Variants in TBC1D8 observed in about 807,000 individuals in gnomAD.
TBC1D8 encodes TBC1 domain family member 8.
A neutral mutation model predicts 118.8 loss-of-function variants in TBC1D8; 65 were observed. The observed-to-expected ratio is 0.55, with a 90% CI of 0.45 to 0.67. TBC1D8 has a LOEUF of 0.67. Among genes scored for constraint, TBC1D8 ranks in the 30% least tolerant of loss-of-function variants. TBC1D8 has a pLI of 0.00. For missense variants in TBC1D8, 1,376 were observed against 1,471.2 expected (o/e 0.94, Z 1.06); for synonymous variants, 566 against 595.8 (o/e 0.95, Z 0.73).
At chr2:101,064,303 A>G (rs1004578799) in intron 2 of TBC1D8, among the ~76,000 whole-genome samples, 13 of 152,154 alleles carry the variant, frequency 8.5e-5, no homozygotes, top group African/African-American at 3.1e-4. Context: ...GCTGTCTGCA[A>G]TCCAAGGAGA....
intron 6 of TBC1D8, 93 bp downstream of exon 6, chr2:101,040,084 GA>G: frequency 7.0e-7 from 1 of 1,432,238 alleles, no homozygotes; most frequent in Non-Finnish European, 9.6e-7. Context: ...TGTGCCGTCT[GA>G]ACTTCCCCTC....
At chr2:101,133,783 C>A (rs1345433391) in intron 1 of TBC1D8, among the ~76,000 whole-genome samples, 1 of 152,126 alleles carries the variant, frequency 6.6e-6, no homozygotes, top group Non-Finnish European at 1.5e-5. Flanking sequence ...TGAGACTGGG[C>A]AATTAATAAA....
rs889703920 is a variant in TBC1D8, at chr2:101,038,463, T to G, written c.1273A>C (p.Met425Leu). The G allele has an allele frequency of 6.2e-7, 1 of 1,613,288 alleles. No homozygotes were observed. The highest frequency in any genetic ancestry group is 1.3e-5 in the African/African-American group (1 of 74,900). Reference sequence around the variant, plus strand: ...ATCAGGGTCTGGAGGGACCATACCATGTCATCATCCGCAGAGGTGTCGTAG... The same window carrying G: ...ATCAGGGTCTGGAGGGACCATACCAGGTCATCATCCGCAGAGGTGTCGTAG... ...VHYDTSADDD[M>L]ASLVFHSTSM... The change falls in exon 7 of 20, where the codon ATG becomes CTG. Residue 425 changes from methionine to leucine, a missense_variant and splice_region_variant. Coordinates refer to ENST00000409318, the MANE Select transcript of TBC1D8 (RefSeq NM_001330348.2).
At chr2:101,150,716 G>C (rs1251016098) in intron 1 of TBC1D8, among the ~76,000 whole-genome samples, 1 of 152,164 alleles carries the variant, frequency 6.6e-6, no homozygotes, top group Non-Finnish European at 1.5e-5. Flanking sequence ...AGCCTCCGGC[G>C]CCTCCAGATG....
chr2:101,111,651 GC>G (rs1176164050), intron 1 of TBC1D8, among the ~76,000 whole-genome samples: 1 of 152,212 alleles, frequency 6.6e-6, no homozygotes, highest in African/African-American at 2.4e-5. Context: ...GTGGCTGCTA[GC>G]CTCAGGTGTC....
chr2:101,099,034 G>A (rs13425579), intron 1 of TBC1D8, among the ~76,000 whole-genome samples: 2,579 of 145,666 alleles, frequency 0.018, 76 homozygotes, highest in African/African-American at 0.06. Context: ...GGAGGAGATA[G>A]AGACACGAAA....
At chr2:101,099,785 GA>G (rs1263355071) in intron 1 of TBC1D8, among the ~76,000 whole-genome samples, 1 of 152,172 alleles carries the variant, frequency 6.6e-6, no homozygotes, top group Non-Finnish European at 1.5e-5. Context: ...AATGGATGCA[GA>G]AAAGGCCTTT....
intron 1 of TBC1D8, among the ~76,000 whole-genome samples, chr2:101,133,314 G>A (rs1218441667): frequency 6.6e-6 from 1 of 151,974 alleles, no homozygotes; most frequent in East Asian, 1.9e-4. Flanking sequence ...AATGCTTCTG[G>A]GATCATGATC....
intron 4 of TBC1D8, among the ~76,000 whole-genome samples, chr2:101,050,979 T>A (rs1407196214): frequency 6.6e-6 from 1 of 152,342 alleles, no homozygotes; most frequent in East Asian, 1.9e-4. Context: ...TTCTCATCAT[T>A]TAGCTCCCAC....
At chr2:101,127,009 T>G (rs1039258868) in intron 1 of TBC1D8, among the ~76,000 whole-genome samples, 11 of 152,170 alleles carry the variant, frequency 7.2e-5, no homozygotes, top group Admixed American at 3.9e-4. Context: ...GTATTGGAAT[T>G]CTGGGCTAGA....
intron 1 of TBC1D8, among the ~76,000 whole-genome samples, chr2:101,129,742 A>G (rs1387409396): frequency 6.6e-6 from 1 of 151,788 alleles, no homozygotes; most frequent in Non-Finnish European, 1.5e-5. Flanking sequence ...CATCTCTACT[A>G]AAAATACAAA....
At chr2:101,118,435 GC>G (rs1677931139) in intron 1 of TBC1D8, among the ~76,000 whole-genome samples, 2 of 152,156 alleles carry the variant, frequency 1.3e-5, no homozygotes, top group South Asian at 2.1e-4. Context: ...AGTGGCTCAT[GC>G]CTGTAATCCC....
chr2:101,143,389 A>T (rs573866950), intron 1 of TBC1D8, among the ~76,000 whole-genome samples: 1 of 152,280 alleles, frequency 6.6e-6, no homozygotes, highest in South Asian at 2.1e-4. Context: ...AGTAAAAAGC[A>T]GGAAGCAGGA....
chr2:101,109,196 G>A (rs1677420898), intron 1 of TBC1D8, among the ~76,000 whole-genome samples: 1 of 152,078 alleles, frequency 6.6e-6, no homozygotes, highest in Non-Finnish European at 1.5e-5. Flanking sequence ...CATTCAGGGT[G>A]GAACCACCCA....
intron 1 of TBC1D8, among the ~76,000 whole-genome samples, chr2:101,105,132 G>GA (rs1248939275): frequency 6.6e-6 from 1 of 151,948 alleles, no homozygotes; most frequent in Non-Finnish European, 1.5e-5. Flanking sequence ...GATCCATGGG[G>GA]AAAAAATTGA....
At chr2:101,141,206 CATTATT>C (rs1383875549) in intron 1 of TBC1D8, among the ~76,000 whole-genome samples, 1 of 152,088 alleles carries the variant, frequency 6.6e-6, no homozygotes, top group Non-Finnish European at 1.5e-5. Context: ...TCAATATTTA[CATTATT>C]ATAACTACAA....
Position 101,008,034 on chromosome 2 carries a change from G to T in TBC1D8, c.3255C>A (p.Ser1085=), listed in dbSNP as rs758321296. ...FADTGKTPQD[S]QAFPEAAERD... ...TTTCTGCCGCCTCTGGAAATGCCTG[G>T]GAGTCCTGGGGCGTCTTCCCAGTGT... The change falls in exon 20 of 20, where the codon TCC becomes TCA. Residue 1085 remains serine (S), a synonymous_variant. Transcript: ENST00000409318. 1 of 1,613,916 alleles carries T rather than the reference G, an allele frequency of 6.2e-7. No individual in the cohort carries two copies. Among genetic ancestry groups the T allele is most frequent in the Non-Finnish European group, 8.5e-7 (1 of 1,179,884 alleles).
chr2:101,039,993 C>T (rs937311324), intron 6 of TBC1D8, among the ~76,000 whole-genome samples, 185 bp downstream of exon 6: 1 of 152,088 alleles, frequency 6.6e-6, no homozygotes, highest in African/African-American at 2.4e-5. Flanking sequence ...AAGCAATGGC[C>T]GAATGGGTAA....
At chr2:101,072,378 G>C (rs1189875994) in intron 2 of TBC1D8, among the ~76,000 whole-genome samples, 4 of 152,082 alleles carry the variant, frequency 2.6e-5, no homozygotes, top group Non-Finnish European at 5.9e-5. Flanking sequence ...GAGAAGGAGA[G>C]AGAGAGAAAA....
Sources: allele counts gnomAD v4.1 joint callset (sites outside exome capture counted in the v4.1 genomes callset), GRCh38; gene constraint gnomAD v4.1.1; transcripts MANE v1.5; gene names NCBI Gene and HGNC (gene_info 2026-07-23, HGNC 2026-07-21).